RALGPS2: variants seen among roughly 807,000 people sequenced by gnomAD.
RALGPS2 encodes the protein ras-specific guanine nucleotide-releasing factor RalGPS2.
Under a neutral mutation model 86.8 loss-of-function variants are expected in RALGPS2, and 43 were observed. The observed-to-expected ratio is 0.50, with a 90% CI of 0.39 to 0.64. The LOEUF (loss-of-function observed/expected upper bound fraction) is 0.64, where lower values mean the gene tolerates loss of function less well. RALGPS2 is among the 30% of genes least tolerant of loss of function. RALGPS2 has a pLI of 0.00. For missense variants in RALGPS2, 536 were observed against 694.6 expected (o/e 0.77, Z 2.57); for synonymous variants, 243 against 231.3 (o/e 1.05, Z -0.46).
rs145788706 is a variant in RALGPS2 at position 178,752,592 on chromosome 1, G to A, written c.-83-24090G>A. On this transcript the variant is annotated intron_variant, in intron 1 of 19. Coordinates refer to ENST00000367635, the MANE Select transcript of RALGPS2 (RefSeq NM_152663.5). ...ATTAAAGAGTAAAATGTAACATTTC[G>A]TGATGGCTTAAATTCATGGTGCATA... Among the ~76,000 whole-genome samples the A allele has an allele frequency of 6.3e-3, 955 of 152,290 alleles. 15 individuals are homozygous for A. The highest frequency in any genetic ancestry group is 0.021 in the African/African-American group (882 of 41,556).
Position 178,909,835 on chromosome 1 carries a change from G to A in RALGPS2, c.1722+2968G>A, listed in dbSNP as rs183480807. 6.9e-3 allele frequency among the ~76,000 whole-genome samples: 1,051 copies of A among 151,658 alleles called. 8 individuals are homozygous for A. The highest frequency in any genetic ancestry group is 0.024 in the African/African-American group (973 of 41,332). On this transcript the variant is annotated intron_variant, in intron 19 of 19. Transcript: ENST00000367635. ...CAGCTAATTTTTTGTATTTTTAGTA[G>A]ACAAAGGGTTTCACTGTGTTAGCCA... is the stretch of plus-strand genomic sequence containing the variant.
intron 8 of RALGPS2, chr1:178,850,392 C>T (rs1350425422): frequency 6.6e-6 from 1 of 152,386 alleles, no homozygotes; most frequent in Non-Finnish European, 1.5e-5. Flanking sequence ...ACATAAAATG[C>T]ATTTCTGGAG....
intron 8 of RALGPS2, chr1:178,853,901 T>C (rs1428203269): frequency 1.5e-6 from 1 of 684,196 alleles, no homozygotes; most frequent in East Asian, 3.2e-5. Context: ...CCATTGTTTA[T>C]CATATATACA....
chr1:178,782,926 A>G (rs1178165485), intron 2 of RALGPS2, among the ~76,000 whole-genome samples: 3 of 152,186 alleles, frequency 2.0e-5, no homozygotes, highest in Non-Finnish European at 2.9e-5. Flanking sequence ...CTATTACCCA[A>G]TATACCATTT....
intron 14 of RALGPS2, among the ~76,000 whole-genome samples, chr1:178,891,757 A>G (rs932961003): frequency 6.6e-6 from 1 of 152,064 alleles, no homozygotes; most frequent in Non-Finnish European, 1.5e-5. Flanking sequence ...AAAGAGGAAA[A>G]TAAAGTTTTC....
chr1:178,901,969 G>C, intron 17 of RALGPS2, 137 bp from the exon 18 acceptor site: 1 of 627,982 alleles, frequency 1.6e-6, no homozygotes, highest in South Asian at 2.0e-5. Context: ...AAAGGCCCCA[G>C]GCTGGCTGAG....
chr1:178,909,508 T>C (rs1188244711), intron 19 of RALGPS2, among the ~76,000 whole-genome samples: 6 of 152,176 alleles, frequency 3.9e-5, no homozygotes, highest in Admixed American at 3.9e-4. Context: ...GCATTGAATC[T>C]GTAGGTTGGT....
At chr1:178,808,261 T>G (rs528079191) in intron 5 of RALGPS2, 133 bp downstream of exon 5, 4 of 660,296 alleles carry the variant, frequency 6.1e-6, no homozygotes, top group Non-Finnish European at 1.1e-5. Flanking sequence ...ATTGTCTCTG[T>G]GCATGATCTC....
intron 4 of RALGPS2, among the ~76,000 whole-genome samples, chr1:178,790,615 TTCTTG>T (rs1653905909): frequency 6.6e-6 from 1 of 152,248 alleles, no homozygotes; most frequent in Non-Finnish European, 1.5e-5. Flanking sequence ...GCTTTTGATG[TTCTTG>T]TCTTCGTAGC....
intron 4 of RALGPS2, among the ~76,000 whole-genome samples, chr1:178,788,958 A>G (rs1057367769): frequency 2.7e-5 from 4 of 148,034 alleles, no homozygotes; most frequent in African/African-American, 5.0e-5. Flanking sequence ...CTGGAATGCA[A>G]TGCAGTGGTG....
intron 1 of RALGPS2, among the ~76,000 whole-genome samples, chr1:178,762,696 G>A (rs896112300): frequency 1.4e-4 from 22 of 152,140 alleles, no homozygotes; most frequent in African/African-American, 5.3e-4. Context: ...TTTTAGTGGG[G>A]TTGTTTTTTG....
At chr1:178,779,572 C>G (rs1653278783) in intron 2 of RALGPS2, among the ~76,000 whole-genome samples, 3 of 152,188 alleles carry the variant, frequency 2.0e-5, no homozygotes, top group South Asian at 4.1e-4. Context: ...TTTTATTAAG[C>G]ATTTTTGATG....
intron 11 of RALGPS2, among the ~76,000 whole-genome samples, chr1:178,884,345 T>TA (rs1264837965): frequency 1.3e-5 from 2 of 152,196 alleles, no homozygotes; most frequent in African/African-American, 2.4e-5. Context: ...AATAATTTTT[T>TA]AAAAAACATA....
At chr1:178,753,785 G>C (rs1219589185) in intron 1 of RALGPS2, 1 of 152,076 alleles carries the variant, frequency 6.6e-6, no homozygotes, top group African/African-American at 2.4e-5. Context: ...GAGTTGTACT[G>C]TCTATTGGAT....
intron 8 of RALGPS2, chr1:178,850,906 A>G: frequency 2.7e-6 from 1 of 377,216 alleles, no homozygotes; most frequent in Non-Finnish European, 4.6e-6. Context: ...TAGTCAACAT[A>G]ATTTTTAAAA....
At chr1:178,782,229 G>C (rs1653428480) in intron 2 of RALGPS2, among the ~76,000 whole-genome samples, 1 of 152,110 alleles carries the variant, frequency 6.6e-6, no homozygotes, top group African/African-American at 2.4e-5. Context: ...TAGCTTGAAA[G>C]TTAAAAACTC....
At chr1:178,741,749 A>G (rs1006432228) in intron 1 of RALGPS2, among the ~76,000 whole-genome samples, 1 of 152,200 alleles carries the variant, frequency 6.6e-6, no homozygotes, top group Non-Finnish European at 1.5e-5. Context: ...AGAGAAAAAA[A>G]AGGGACAAAT....
intron 8 of RALGPS2, among the ~76,000 whole-genome samples, chr1:178,860,018 A>C (rs1657889045): frequency 2.0e-5 from 3 of 151,862 alleles, no homozygotes; most frequent in African/African-American, 7.3e-5. Flanking sequence ...TCATCACAAC[A>C]ATTTATTTTA....
intron 4 of RALGPS2, among the ~76,000 whole-genome samples, chr1:178,792,427 C>T (rs1653998142): frequency 6.6e-6 from 1 of 152,124 alleles, no homozygotes; most frequent in African/African-American, 2.4e-5. Flanking sequence ...ATTTTCTCCC[C>T]TTCTTTTCTC....
Sources: allele counts gnomAD v4.1 joint callset (sites outside exome capture counted in the v4.1 genomes callset), GRCh38; gene constraint gnomAD v4.1.1; transcripts MANE v1.5; gene names NCBI Gene and HGNC (gene_info 2026-07-23, HGNC 2026-07-21).